ENOX2: variants seen among roughly 807,000 people sequenced by gnomAD.
ENOX2 encodes the protein APK1 antigen.
ENOX2 carries 36 observed loss-of-function variants against 45.0 expected under a neutral mutation model. The ratio of observed to expected loss-of-function variants is 0.80; its 90% CI spans 0.61 to 1.06. ENOX2 has a LOEUF of 1.06. Ranked by LOEUF, ENOX2 falls within the 50% of genes least tolerant of loss-of-function variation. The pLI, the probability that ENOX2 is intolerant of heterozygous loss-of-function variation, is 0.00. For missense variants in ENOX2, 423 were observed against 462.5 expected, an observed-to-expected ratio of 0.91 and a Z score of 0.78; for synonymous variants, 174 against 152.3, an observed-to-expected ratio of 1.14 and a Z score of -1.05.
At position 130,783,067 on chromosome X, in the gene ENOX2, C is replaced by A. The variant is rs941729970; in HGVS notation, c.-39+480G>T. Among the ~76,000 whole-genome samples the A allele has an allele frequency of 9.8e-5, 11 of 111,763 alleles. No individual in the cohort carries two copies. In the Admixed American group the frequency reaches 1.0e-3, roughly 11 times the overall value. The stretch of plus-strand genomic sequence containing the variant: ...AGAGGTGGGGAGATGCAAATATATG[C>A]AGCTATCTGTATTAGAAGTAAAAGT... On this transcript the variant is annotated intron_variant, in intron 3 of 14. Coordinates refer to ENST00000394363, the MANE Select transcript of ENOX2 (RefSeq NM_006375.4).
Position 130,833,968 on chromosome X carries a change from T to C in ENOX2, c.-182-50278A>G, listed in dbSNP as rs372300952. 1.1e-4 allele frequency among the ~76,000 whole-genome samples: 12 copies of C among 111,794 alleles called. No individual in the cohort carries two copies. In the East Asian group the frequency reaches 2.5e-3, roughly 24 times the overall value. ...GAAATTGCTCTTGGTGCTGGAGATA[T>C]ATATATTAGTATCAGTAAACAAACA... On this transcript the variant is annotated intron_variant, in intron 2 of 14. Transcript: ENST00000394363.
intron 2 of ENOX2, among the ~76,000 whole-genome samples, chrX:130,852,666 A>C (rs1322319940): frequency 9.0e-6 from 1 of 111,312 alleles, no homozygotes; most frequent in Non-Finnish European, 1.9e-5. Flanking sequence ...GTTGGAAGTA[A>C]AAACAGTCAT....
chrX:130,674,374 A>G lies in ENOX2; in HGVS notation c.461-4176T>C, dbSNP rs5975218. 8.6e-3 allele frequency among the ~76,000 whole-genome samples: 949 copies of G among 110,676 alleles called. 12 individuals are homozygous for G. Among genetic ancestry groups the G allele is most frequent in the African/African-American group, 0.03 (900 of 30,443 alleles). On this transcript the variant is annotated intron_variant, in intron 6 of 14. Coordinates refer to ENST00000394363, the MANE Select transcript of ENOX2 (RefSeq NM_006375.4). The stretch of plus-strand genomic sequence containing the variant: ...AGAAAGAAAAAAGACTGAAAAAAAA[A>G]AAAAGAACAGAATAGCAGTGAGCTG...
At chrX:130,758,561 T>C (rs1315498202) in intron 3 of ENOX2, among the ~76,000 whole-genome samples, 1 of 112,555 alleles carries the variant, frequency 8.9e-6, no homozygotes, top group Non-Finnish European at 1.9e-5. Context: ...CTATTATAAA[T>C]AAAAAGCTAT....
intron 2 of ENOX2, among the ~76,000 whole-genome samples, chrX:130,870,930 C>T (rs886820150): frequency 9.5e-6 from 1 of 105,059 alleles, no homozygotes; most frequent in Non-Finnish European, 2.0e-5. Context: ...GGGAGGGAGA[C>T]GGAGAGAGAG....
intron 2 of ENOX2, among the ~76,000 whole-genome samples, chrX:130,831,735 G>C (rs2077833585): frequency 9.0e-6 from 1 of 111,722 alleles, no homozygotes; most frequent in Non-Finnish European, 1.9e-5. Flanking sequence ...AGTATTTTAT[G>C]CATATATTTA....
intron 2 of ENOX2, among the ~76,000 whole-genome samples, chrX:130,851,451 T>A (rs1380396786): frequency 9.4e-6 from 1 of 106,140 alleles, no homozygotes; most frequent in Non-Finnish European, 1.9e-5. Flanking sequence ...AATGGATGTA[T>A]TTTTTTTTTC....
intron 3 of ENOX2, among the ~76,000 whole-genome samples, chrX:130,762,091 T>A (rs143332291): frequency 1.8e-5 from 2 of 111,891 alleles, no homozygotes; most frequent in African/African-American, 3.2e-5. Context: ...TCTTCCTCCG[T>A]CTTGATTTTA....
chrX:130,786,998 G>T (rs1166558071), intron 2 of ENOX2, among the ~76,000 whole-genome samples: 1 of 85,069 alleles, frequency 1.2e-5, no homozygotes, highest in African/African-American at 4.4e-5. Context: ...CACAATGGTT[G>T]AACTAGTTTA....
chrX:130,673,982 T>C (rs1361212450), intron 6 of ENOX2, among the ~76,000 whole-genome samples: 1 of 112,355 alleles, frequency 8.9e-6, no homozygotes, highest in East Asian at 2.8e-4. Context: ...GGCTTTTGGA[T>C]GTGTGAATTT....
intron 3 of ENOX2, among the ~76,000 whole-genome samples, chrX:130,753,870 T>C (rs1482541175): frequency 1.8e-5 from 2 of 110,971 alleles, no homozygotes; most frequent in Non-Finnish European, 3.8e-5. Context: ...CTTGGATAAA[T>C]ACCCAGTAGA....
At chrX:130,726,144 C>T in intron 3 of ENOX2, among the ~76,000 whole-genome samples, 1 of 112,276 alleles carries the variant, frequency 8.9e-6, no homozygotes, top group East Asian at 2.8e-4. Context: ...TTTCAGATGG[C>T]ATGTTACATA....
At chrX:130,881,137 T>A (rs2078800575) in intron 2 of ENOX2, among the ~76,000 whole-genome samples, 1 of 111,811 alleles carries the variant, frequency 8.9e-6, no homozygotes, top group Admixed American at 9.5e-5. Flanking sequence ...AACAAAAAAA[T>A]TCAGTTCCTC....
At chrX:130,825,165 T>C (rs1273738538) in intron 2 of ENOX2, among the ~76,000 whole-genome samples, 1 of 111,541 alleles carries the variant, frequency 9.0e-6, no homozygotes, top group Admixed American at 9.5e-5. Flanking sequence ...ATTCATAAAA[T>C]GAAATATTCT....
intron 2 of ENOX2, among the ~76,000 whole-genome samples, chrX:130,883,593 A>G (rs2078856475): frequency 8.9e-6 from 1 of 111,769 alleles, no homozygotes. Flanking sequence ...TCCTTTTTGG[A>G]AAAAGGCAAA....
chrX:130,712,576 A>C lies in ENOX2; in HGVS notation c.-38-9322T>G, dbSNP rs761856406. 6.3e-5 allele frequency among the ~76,000 whole-genome samples: 7 copies of C among 111,162 alleles called. No homozygotes were observed. The East Asian group carries it at 2.0e-3, about 32-fold the overall frequency. ...AGATGAGCATGTGTACAACTCTAGT[A>C]AACACACTGAGCATGCTCACCTCCC... On this transcript the variant is annotated intron_variant, in intron 3 of 14. Coordinates refer to ENST00000394363, the MANE Select transcript of ENOX2 (RefSeq NM_006375.4).
intron 2 of ENOX2, among the ~76,000 whole-genome samples, chrX:130,821,778 A>G (rs1235213132): frequency 1.1e-5 from 1 of 91,196 alleles, no homozygotes; most frequent in Admixed American, 1.2e-4. Flanking sequence ...AAGAATAAGT[A>G]GGGCAGGCCA....
chrX:130,780,647 T>C (rs1353322626), intron 3 of ENOX2, among the ~76,000 whole-genome samples: 1 of 111,630 alleles, frequency 9.0e-6, no homozygotes, highest in Non-Finnish European at 1.9e-5. Flanking sequence ...GGTTGCGACC[T>C]GCCAAAAGGC....
intron 3 of ENOX2, among the ~76,000 whole-genome samples, chrX:130,724,819 T>A (rs1205571890): frequency 8.9e-6 from 1 of 112,014 alleles, no homozygotes; most frequent in Non-Finnish European, 1.9e-5. Flanking sequence ...GTCTAGGTGA[T>A]ACTAGAGGGA....
Sources: gnomAD v4.1 joint callset for allele counts (sites outside exome capture counted in the v4.1 genomes callset) on GRCh38, gnomAD v4.1.1 for gene constraint, MANE v1.5 for transcripts, NCBI Gene and HGNC (gene_info 2026-07-23, HGNC 2026-07-21) for gene names.